SCUBE2: variants seen among roughly 807,000 people sequenced by gnomAD.
SCUBE2 encodes signal peptide, CUB domain and EGF like domain containing 2, also known as signal peptide, CUB and EGF-like domain-containing protein 2.
A neutral mutation model predicts 125.9 loss-of-function variants in SCUBE2; 114 were observed. The ratio of observed to expected loss-of-function variants is 0.91; its 90% confidence interval spans 0.78 to 1.06. The LOEUF (loss-of-function observed/expected upper bound fraction) is 1.06, where lower values mean the gene tolerates loss of function less well. Ranked by LOEUF, SCUBE2 falls within the 50% of genes least tolerant of loss-of-function variation. SCUBE2 has a pLI of 0.00. For synonymous variants in SCUBE2, 459 were observed against 492.9 expected (o/e 0.93, Z 0.91); for missense variants, 1,255 against 1,301.8 (o/e 0.96, Z 0.55).
At position 9,055,838 on chromosome 11, in the gene SCUBE2, C is replaced by T; in HGVS notation, c.1162G>A (p.Ala388Thr). ...CINHPGTFAC[A>T]CNRGYTLYGF... Reference sequence around the variant, plus strand: ...TACAGGGTGTACCCTCGGTTGCAAGCACAAGCAAATGTGCCAGGGTGGTTG... The same window carrying T: ...TACAGGGTGTACCCTCGGTTGCAAGTACAAGCAAATGTGCCAGGGTGGTTG... Residue 388 changes from alanine (A) to threonine (T), a missense_variant, in exon 10 of 23, where the codon GCT becomes ACT. By Grantham distance (58) the Ala-to-Thr change is moderately conservative. Around this residue, in one of 3 missense-constraint regions of SCUBE2, gnomAD observed 378 missense variants for 463.1 expected, o/e 0.82. Transcript: ENST00000649792. 3 of 1,614,190 alleles carry T rather than the reference C, an allele frequency of 1.9e-6. No homozygotes were observed. Among genetic ancestry groups the T allele is most frequent in the Non-Finnish European group, 2.5e-6 (3 of 1,180,040 alleles).
At chr11:9,048,125 A>C in intron 14 of SCUBE2, 27 bp from the exon 15 acceptor site, 1 of 1,592,012 alleles carries the variant, frequency 6.3e-7, no homozygotes, top group Non-Finnish European at 8.6e-7. Context: ...AATTATCGGA[A>C]GCCAAATCCT....
At chr11:9,089,957 A>G in intron 1 of SCUBE2, 128 bp from the exon 2 acceptor site, 1 of 1,243,260 alleles carries the variant, frequency 8.0e-7, no homozygotes, top group Non-Finnish European at 1.1e-6. Context: ...GCTGCTTGGG[A>G]TCCCTGGGAT....
chr11:9,040,759 G>T (rs549413423), intron 16 of SCUBE2, among the ~76,000 whole-genome samples: 4 of 152,256 alleles, frequency 2.6e-5, no homozygotes, highest in Admixed American at 2.0e-4. Context: ...CATAAAGGGA[G>T]GATTCATATC....
chr11:9,031,742 A>AC (rs1856323824), intron 17 of SCUBE2, among the ~76,000 whole-genome samples: 1 of 152,218 alleles, frequency 6.6e-6, no homozygotes, highest in Non-Finnish European at 1.5e-5. Flanking sequence ...AAACAAACAA[A>AC]AGGATTTCTA....
intron 21 of SCUBE2, among the ~76,000 whole-genome samples, chr11:9,024,863 T>A (rs1164132351): frequency 6.6e-6 from 1 of 152,238 alleles, no homozygotes; most frequent in Non-Finnish European, 1.5e-5. Flanking sequence ...TGGGCTGTTA[T>A]AGCAGCTATA....
chr11:9,030,820 C>T lies in SCUBE2; in HGVS notation c.2279G>A (p.Cys760Tyr), dbSNP rs765600636. ...PEAGRTSCFPCGGGLATKHQG... is the reference protein window; with the variant it reads ...PEAGRTSCFPYGGGLATKHQG... ...ATGTTTGGTGGCAAGGCCTCCTCCA[C>T]AGGGGAAGCAGGAAGTTCGACCAGC... Residue 760 changes from cysteine (C) to tyrosine (Y), a missense_variant, in exon 18 of 23, where the codon TGT (cysteine) becomes TAT (tyrosine). Cys to Tyr is a radical substitution (Grantham distance 194). Coordinates refer to ENST00000649792, the MANE Select transcript of SCUBE2 (RefSeq NM_001367977.2). 71 of 1,614,100 alleles carry T rather than the reference C, an allele frequency of 4.4e-5. No homozygotes were observed. The highest frequency in any genetic ancestry group is 5.7e-5 in the Non-Finnish European group (67 of 1,180,034).
intron 4 of SCUBE2, among the ~76,000 whole-genome samples, chr11:9,071,546 C>G (rs138370154): frequency 1.1e-3 from 169 of 152,274 alleles, no homozygotes; most frequent in Non-Finnish European, 1.8e-4. Context: ...CTGTTCCAAA[C>G]TAGGCAGCCC....
intron 21 of SCUBE2, among the ~76,000 whole-genome samples, chr11:9,023,864 T>C (rs114109042): frequency 6.6e-6 from 1 of 152,226 alleles, no homozygotes; most frequent in Non-Finnish European, 1.5e-5. Flanking sequence ...GCTCAATGTG[T>C]GTTAGCCCCA....
intron 11 of SCUBE2, 113 bp downstream of exon 11, chr11:9,053,524 G>T: frequency 1.6e-6 from 2 of 1,212,424 alleles, no homozygotes; most frequent in Non-Finnish European, 2.3e-6. Context: ...GCTGCAGCTG[G>T]TGGGGAAGTC....
intron 10 of SCUBE2, among the ~76,000 whole-genome samples, chr11:9,054,724 T>C (rs1252011658): frequency 1.8e-5 from 1 of 55,526 alleles, no homozygotes; most frequent in African/African-American, 6.8e-5. Flanking sequence ...TATATATATA[T>C]ATTTTTTTTT....
At position 9,019,976 on chromosome 11, in the gene SCUBE2, G is replaced by A. The variant is rs1855178600; in HGVS notation, c.*1069C>T. On this transcript the variant is annotated 3_prime_UTR_variant, in exon 23 of 23. Transcript: ENST00000649792. ...TGAGATGATCGTGTGGCATTCAGGG[G>A]GTGTTTCTGGCAGTGCTGTTACTGT... 6.6e-6 allele frequency among the ~76,000 whole-genome samples: 1 copy of A among 152,298 alleles called. No homozygotes were observed. The highest frequency in any genetic ancestry group is 1.9e-4 in the East Asian group (1 of 5,186).
intron 1 of SCUBE2, among the ~76,000 whole-genome samples, chr11:9,090,573 G>C (rs981447025): frequency 1.3e-5 from 2 of 151,210 alleles, no homozygotes; most frequent in Non-Finnish European, 2.9e-5. Context: ...TGTGGCCCAG[G>C]TAAGCCAAAA....
intron 3 of SCUBE2, 21 bp from the exon 4 acceptor site, chr11:9,074,636 G>A: frequency 1.2e-6 from 2 of 1,613,952 alleles, no homozygotes; most frequent in Non-Finnish European, 1.7e-6. Context: ...AGAGGGATTA[G>A]CCTTTGCTTT....
chr11:9,066,206 T>G (rs957809647), intron 6 of SCUBE2, among the ~76,000 whole-genome samples: 13 of 152,302 alleles, frequency 8.5e-5, no homozygotes, highest in African/African-American at 3.1e-4. Flanking sequence ...TGGAGGTATA[T>G]TGCACTGACC....
In SCUBE2 at chr11:9,091,274, C is replaced by A. The variant is rs1454949219; in HGVS notation, c.133+122G>T. The A allele has an allele frequency of 4.5e-6, 3 of 662,498 alleles. No homozygotes were observed. Among genetic ancestry groups the A allele is most frequent in the African/African-American group, 1.9e-5 (1 of 52,190 alleles). 41.0% of individuals were successfully genotyped at this position (662,498 alleles called of 1,614,324 possible). A position where few individuals can be genotyped will look rare whatever the true frequency, so the allele number is the denominator to read the frequency against. ...AGGTCCCGGGGGGAGCAGAGGCCCC[C>A]GCGGAGCTGCAGCCGCCAGCCCCGA... is the stretch of plus-strand genomic sequence containing the variant. On this transcript the variant is annotated intron_variant, in intron 1 of 22. Transcript: ENST00000649792. The surrounding 1 kb of genome is among the most constrained non-coding windows in gnomAD (Gnocchi z 8.5).
chr11:9,069,369 C>T lies in SCUBE2; in HGVS notation c.643+1G>A. The T allele has an allele frequency of 6.2e-7, 1 of 1,614,214 alleles. No individual in the cohort carries two copies. Among genetic ancestry groups the T allele is most frequent in the Non-Finnish European group, 8.5e-7 (1 of 1,180,026 alleles). On this transcript the variant is annotated splice_donor_variant, in intron 5 of 22. Transcript: ENST00000649792. LOFTEE classifies it high-confidence loss of function. ...GCAGGTGTGCACTGGCCCATACTTA[C>T]AGATGCAGTCTCTCTGGTTCTTGGC...
Position 9,054,891 on chromosome 11 carries a change from C to T in SCUBE2, c.1207+902G>A, listed in dbSNP as rs369011684. 1.2e-4 allele frequency among the ~76,000 whole-genome samples: 18 copies of T among 151,340 alleles called. 1 individual carries two copies. Among genetic ancestry groups the T allele is most frequent in the Admixed American group, 7.9e-4 (12 of 15,204 alleles). On this transcript the variant is annotated intron_variant, in intron 10 of 22. Transcript: ENST00000649792. The stretch of plus-strand genomic sequence containing the variant: ...CTGGGATTACAGGCATGCGCCACCA[C>T]GCCCGGCTAATCTTGTATTTTTAGT...
intron 7 of SCUBE2, 96 bp downstream of exon 7, chr11:9,065,795 G>T: frequency 9.8e-7 from 1 of 1,016,788 alleles, no homozygotes; most frequent in Non-Finnish European, 1.5e-6. Flanking sequence ...CAGCTGGTCT[G>T]AGGGCATGTG....
chr11:9,040,745 G>A (rs982101477), intron 16 of SCUBE2, among the ~76,000 whole-genome samples: 10 of 150,712 alleles, frequency 6.6e-5, no homozygotes, highest in Admixed American at 5.9e-4. Flanking sequence ...CCGTGGGTAC[G>A]CAGCATAAAG....
Sources: gnomAD v4.1 joint callset for allele counts (sites outside exome capture counted in the v4.1 genomes callset) on GRCh38, gnomAD v4.1.1 for gene constraint, gnomAD v4.1.1 regional missense constraint, Gnocchi (gnomAD v3.1) non-coding constraint, MANE v1.5 for transcripts, NCBI Gene and HGNC (gene_info 2026-07-23, HGNC 2026-07-21) for gene names.